Variants in ZFAT observed in about 807,000 individuals in gnomAD.
The protein encoded by ZFAT is zinc finger protein ZFAT.
In ZFAT, 64 loss-of-function variants were observed where a neutral mutation model predicts 117.7. The observed-to-expected ratio is 0.54, with a 90% CI of 0.44 to 0.67. The LOEUF is 0.67. ZFAT is among the 30% of genes least tolerant of loss of function. ZFAT has a pLI of 0.00. For synonymous variants in ZFAT, 679 were observed against 615.0 expected, an observed-to-expected ratio of 1.10 and a Z score of -1.54; for missense variants, 1,433 against 1,584.5, an observed-to-expected ratio of 0.90 and a Z score of 1.62.
chr8:134,478,170 T>G lies in ZFAT; in HGVS notation c.*312A>C. The G allele has an allele frequency of 2.8e-6, 1 of 354,818 alleles. No individual in the cohort carries two copies. The highest frequency in any genetic ancestry group is 5.2e-6 in the Non-Finnish European group (1 of 191,268). 22.0% of individuals were successfully genotyped at this position (354,818 alleles called of 1,614,324 possible). A position where few individuals can be genotyped will look rare whatever the true frequency, so the allele number is the denominator to read the frequency against. On this transcript the variant is annotated 3_prime_UTR_variant, in exon 16 of 16. Transcript: ENST00000377838. This position sits in a 1 kb window ranked among gnomAD's most constrained non-coding sequence, Gnocchi z 5.2. ...TGCTGAGGGGGACTGGGAGTCTCTGTTTGAATCTTGAAGCAAGGGGTGAAG... is the reference window on the plus strand; with the variant it reads ...TGCTGAGGGGGACTGGGAGTCTCTGGTTGAATCTTGAAGCAAGGGGTGAAG...
intron 11 of ZFAT, among the ~76,000 whole-genome samples, chr8:134,537,424 G>A (rs1180302718): frequency 6.6e-6 from 1 of 152,230 alleles, no homozygotes; most frequent in Non-Finnish European, 1.5e-5. Flanking sequence ...GACATAAGGT[G>A]GCCCAGATCT....
intron 5 of ZFAT, 72 bp downstream of exon 5, chr8:134,608,657 T>A: frequency 1.3e-6 from 2 of 1,526,802 alleles, no homozygotes; most frequent in Non-Finnish European, 1.8e-6. Context: ...AGCATGCTGA[T>A]CCTTCCTGCA....
At chr8:134,800,308 T>C in the ZFAT span, among the ~76,000 whole-genome samples, 5 of 152,242 alleles carry the variant, frequency 3.3e-5, no homozygotes, top group African/African-American at 1.2e-4. Context: ...CTGTTTTAAC[T>C]ACTCCTACTG....
chr8:134,780,941 G>C, the ZFAT span, among the ~76,000 whole-genome samples: 1 of 152,168 alleles, frequency 6.6e-6, no homozygotes, highest in Non-Finnish European at 1.5e-5. Flanking sequence ...TTACCCGCAT[G>C]AGTGTCATCA....
At chr8:134,807,416 G>A in the ZFAT span, among the ~76,000 whole-genome samples, 1 of 150,300 alleles carries the variant, frequency 6.7e-6, no homozygotes, top group Non-Finnish European at 1.5e-5. Context: ...ACAACATTTT[G>A]TAACTTAAGA....
chr8:134,512,474 C>G lies in ZFAT; in HGVS notation c.3361+1G>C. On this transcript the variant is annotated splice_donor_variant, in intron 14 of 15. Transcript: ENST00000377838. LOFTEE classifies it high-confidence loss of function. ...GGCAAAGGAAGACCAGGCGTCCTCA[C>G]CACTCTCAGAGGTGTATCTCAGGTC... The G allele has an allele frequency of 1.2e-6, 2 of 1,613,568 alleles. No individual in the cohort carries two copies. The highest frequency in any genetic ancestry group is 2.2e-5 in the South Asian group (2 of 91,042).
intron 1 of ZFAT, among the ~76,000 whole-genome samples, chr8:134,712,030 T>C (rs1012071144): frequency 5.3e-5 from 8 of 152,130 alleles, no homozygotes; most frequent in African/African-American, 1.9e-4. Flanking sequence ...GCAGGCGTGA[T>C]CAGTTAGCGC....
chr8:134,538,738 A>G (rs1489656252), intron 11 of ZFAT, among the ~76,000 whole-genome samples: 1 of 150,512 alleles, frequency 6.6e-6, no homozygotes, highest in African/African-American at 2.4e-5. Flanking sequence ...CAGAGGTCAC[A>G]GTGAGCCAAG....
At position 134,531,789 on chromosome 8, in the gene ZFAT, C is replaced by T. The variant is rs540433176; in HGVS notation, c.3115+1045G>A. On this transcript the variant is annotated intron_variant, in intron 12 of 15. Transcript: ENST00000377838. ...CTGCTCATCTATTTCCGTGCATCAG[C>T]CCTGTCACTGAAAGTGCTGAAGGGT... is the stretch of plus-strand genomic sequence containing the variant. 5.3e-5 allele frequency among the ~76,000 whole-genome samples: 8 copies of T among 152,354 alleles called. No individual in the cohort carries two copies. In the South Asian group the frequency reaches 1.7e-3, roughly 32 times the overall value.
the ZFAT span, among the ~76,000 whole-genome samples, chr8:134,748,124 T>C: frequency 1.3e-5 from 2 of 152,218 alleles, no homozygotes; most frequent in African/African-American, 2.4e-5. Flanking sequence ...GTTTAACATA[T>C]GGTAGTTAAG....
At chr8:134,563,261 T>A (rs1824178843) in intron 11 of ZFAT, among the ~76,000 whole-genome samples, 1 of 152,214 alleles carries the variant, frequency 6.6e-6, no homozygotes, top group Admixed American at 6.5e-5. Flanking sequence ...AAAAAGCAGC[T>A]ATACAAGCAA....
chr8:134,638,648 G>T (rs1830399073), intron 2 of ZFAT, among the ~76,000 whole-genome samples: 1 of 151,506 alleles, frequency 6.6e-6, no homozygotes, highest in Non-Finnish European at 1.5e-5. Context: ...AGAATGGCGT[G>T]AACTGGGAGG....
chr8:134,686,805 C>A (rs1351732619), intron 1 of ZFAT, among the ~76,000 whole-genome samples: 1 of 152,182 alleles, frequency 6.6e-6, no homozygotes, highest in Non-Finnish European at 1.5e-5. Context: ...TGTCAGAAGC[C>A]CAGGCCTCCC....
Position 134,565,435 on chromosome 8 carries a change from G to C in ZFAT, c.2888-14C>G. ...TAAACTGCTTCCCTGGAAAGAAGCG[G>C]AGGACAAGATGAGCGTCGCCAGGCC... On this transcript the variant is annotated splice_polypyrimidine_tract_variant and intron_variant, in intron 10 of 15. Transcript: ENST00000377838. The C allele has an allele frequency of 6.2e-7, 1 of 1,611,192 alleles. No homozygotes were observed. Among genetic ancestry groups the C allele is most frequent in the Non-Finnish European group, 8.5e-7 (1 of 1,179,262 alleles).
chr8:134,824,407 G>C, the ZFAT span, among the ~76,000 whole-genome samples: 1 of 152,128 alleles, frequency 6.6e-6, no homozygotes, highest in African/African-American at 2.4e-5. Flanking sequence ...GAGCAAATAT[G>C]GTAACAATAG....
intron 13 of ZFAT, among the ~76,000 whole-genome samples, chr8:134,516,932 T>C (rs1401475619): frequency 3.3e-5 from 5 of 152,224 alleles, no homozygotes; most frequent in Middle Eastern, 3.4e-3. Flanking sequence ...AAATAAAGAG[T>C]TGATTCTCTA....
At chr8:134,566,619 T>A (rs1007360699) in intron 10 of ZFAT, among the ~76,000 whole-genome samples, 1 of 152,170 alleles carries the variant, frequency 6.6e-6, no homozygotes, top group Admixed American at 6.5e-5. Context: ...GGTGTAAACC[T>A]CCTCAGGGCA....
intron 11 of ZFAT, among the ~76,000 whole-genome samples, chr8:134,547,011 A>C (rs1240487432): frequency 6.6e-6 from 1 of 152,196 alleles, no homozygotes; most frequent in African/African-American, 2.4e-5. Flanking sequence ...GGGGACCCCA[A>C]ATTCACAACA....
chr8:134,710,528 CA>C (rs1335346280), intron 1 of ZFAT, among the ~76,000 whole-genome samples: 1 of 152,240 alleles, frequency 6.6e-6, no homozygotes, highest in Non-Finnish European at 1.5e-5. Flanking sequence ...ATCTAAATTG[CA>C]ATCCCCTATT....
Sources: gnomAD v4.1 joint callset for allele counts (sites outside exome capture counted in the v4.1 genomes callset) on GRCh38, gnomAD v4.1.1 for gene constraint, Gnocchi (gnomAD v3.1) non-coding constraint, MANE v1.5 for transcripts, NCBI Gene and HGNC (gene_info 2026-07-23, HGNC 2026-07-21) for gene names.